The following TRANK1 variants were observed in gnomAD, a reference collection of about 807,000 sequenced individuals.
TRANK1 encodes TPR and ankyrin repeat-containing protein 1.
Under a neutral mutation model 266.0 loss-of-function variants are expected in TRANK1, and 198 were observed. The observed-to-expected ratio is 0.74, with a 90% CI of 0.66 to 0.84. The LOEUF (loss-of-function observed/expected upper bound fraction) is 0.84. Ranked by LOEUF, TRANK1 falls within the 40% of genes least tolerant of loss-of-function variation. The probability of loss-of-function intolerance (pLI) is 0.00; values close to 1 mark genes in which losing one functional copy is unlikely to be tolerated. For synonymous variants in TRANK1, 1,396 were observed against 1,384.1 expected, an observed-to-expected ratio of 1.01 and a Z score of -0.19; for missense variants, 3,326 against 3,634.6, an observed-to-expected ratio of 0.92 and a Z score of 2.18.
intron 20 of TRANK1, among the ~76,000 whole-genome samples, chr3:36,836,218 T>C (rs1273696728): frequency 6.6e-6 from 1 of 152,238 alleles, no homozygotes; most frequent in African/African-American, 2.4e-5. Flanking sequence ...GTGCATACCC[T>C]AGGCCAGCAA....
intron 1 of TRANK1, among the ~76,000 whole-genome samples, chr3:36,910,510 C>T (rs912515518): frequency 1.3e-5 from 2 of 151,882 alleles, no homozygotes; most frequent in African/African-American, 4.8e-5. Flanking sequence ...GAGGCTGAGG[C>T]GGGCAGACCA....
In TRANK1 at chr3:36,927,150, C is replaced by A. The variant is rs145416896; in HGVS notation, c.23+17637G>T. Among the ~76,000 whole-genome samples, 480 of 152,310 alleles carry A rather than the reference C, an allele frequency of 3.2e-3. 4 individuals carry two copies. The highest frequency in any genetic ancestry group is 0.011 in the African/African-American group (447 of 41,574). ...CCCACAGCGACTCTGCCTAATTTAACTCCCAACCCAGGGACTGAGGCCCAT... is the reference window on the plus strand; with the variant it reads ...CCCACAGCGACTCTGCCTAATTTAAATCCCAACCCAGGGACTGAGGCCCAT... On this transcript the variant is annotated intron_variant, in intron 1 of 23. Coordinates refer to ENST00000645898, the MANE Select transcript of TRANK1 (RefSeq NM_001329998.2).
intron 1 of TRANK1, among the ~76,000 whole-genome samples, chr3:36,934,096 G>A (rs147695661): frequency 2.0e-5 from 3 of 152,358 alleles, no homozygotes; most frequent in Non-Finnish European, 4.4e-5. Flanking sequence ...TTCCAGGGGA[G>A]AGCCAAGGTA....
intron 8 of TRANK1, 98 bp downstream of exon 8, chr3:36,889,731 G>A: frequency 7.1e-7 from 1 of 1,408,842 alleles, no homozygotes; most frequent in Non-Finnish European, 9.3e-7. Flanking sequence ...GAGCCAGCTA[G>A]GGATAGAATG....
Position 36,832,311 on chromosome 3 carries a change from T to C in TRANK1, c.7272A>G (p.Glu2424=). The stretch of plus-strand genomic sequence containing the variant: ...AACGGAAAAAGAGCCTCTTGTAGTC[T>C]TCTGGGTTCCTGTACACGTAGAATT... ...IDQFYVYRNP[E]DYKRLFFRFM... is the part of the protein sequence containing the mutation. The change falls in exon 22 of 24, where the codon GAA becomes GAG. Residue 2424 remains glutamate (E), a synonymous_variant. Transcript: ENST00000645898. 3 of 1,614,036 alleles carry C rather than the reference T, an allele frequency of 1.9e-6. No homozygotes were observed. The highest frequency in any genetic ancestry group is 2.5e-6 in the Non-Finnish European group (3 of 1,179,904).
In TRANK1 at chr3:36,831,360, G is replaced by A. The variant is rs1015300520; in HGVS notation, c.8223C>T (p.Gly2741=). ...CCTCCCTGACACGCTCCATCTGGGT[G>A]CCCACTCTTCTCCTCCAACTGATGC... ...SLCISWRRRV[G]TQMERVREEA... The change falls in exon 22 of 24, where the codon GGC becomes GGT. Residue 2741 remains glycine (G), a synonymous_variant. Transcript: ENST00000645898. The surrounding 1 kb of genome is among the most constrained non-coding windows in gnomAD (Gnocchi z 5.0). 3 of 1,613,228 alleles carry A rather than the reference G, an allele frequency of 1.9e-6. No individual in the cohort carries two copies. In the African/African-American group the frequency reaches 4.0e-5, roughly 22 times the overall value.
intron 1 of TRANK1, among the ~76,000 whole-genome samples, chr3:36,918,564 T>TAGGAAGGAAGGA (rs1335352179): frequency 4.5e-4 from 7 of 15,640 alleles, no homozygotes; most frequent in East Asian, 1.1e-3. Flanking sequence ...GGAAGGAAGG[T>TAGGAAGGAAGGA]AGGAAGGAAG....
chr3:36,831,921 C>T lies in TRANK1; in HGVS notation c.7662G>A (p.Val2554=). The T allele has an allele frequency of 8.7e-6, 14 of 1,614,020 alleles. No individual in the cohort carries two copies. Among genetic ancestry groups the T allele is most frequent in the Non-Finnish European group, 1.2e-5 (14 of 1,179,886 alleles). Residue 2554 remains valine (V), a synonymous_variant, in exon 22 of 24, where the codon GTG becomes GTA. Coordinates refer to ENST00000645898, the MANE Select transcript of TRANK1 (RefSeq NM_001329998.2). This position sits in a 1 kb window ranked among gnomAD's most constrained non-coding sequence, Gnocchi z 5.0. ...GTGTCCGCTCAGCCTCACCCGAGAC[C>T]ACATAGTCTATTTCACTGAAGGCAT... The part of the protein sequence containing the change: ...LLDAFSEIDY[V]VSGEAERTLV...
Position 36,832,564 on chromosome 3 carries a change from G to C in TRANK1, c.7019C>G (p.Ser2340Cys). The C allele has an allele frequency of 6.2e-7, 1 of 1,614,030 alleles. No individual in the cohort carries two copies. The highest frequency in any genetic ancestry group is 8.5e-7 in the Non-Finnish European group (1 of 1,179,906). ...WLSAMQAFLL[S>C]SNYPEEFEKL... ...TTCAAACTCCTCCGGGTAGTTGGAA[G>C]AGAGAAGGAAAGCTTGCATGGCACT... is the stretch of plus-strand genomic sequence containing the variant. The change falls in exon 22 of 24, where the codon TCT becomes TGT. Residue 2340 changes from serine (S) to cysteine (C), a missense_variant. Physicochemically the swap from Ser to Cys is moderately radical, Grantham distance 112. Transcript: ENST00000645898.
At chr3:36,942,874 T>TAAA (rs5847945) in intron 1 of TRANK1, among the ~76,000 whole-genome samples, 3 of 140,402 alleles carry the variant, frequency 2.1e-5, no homozygotes, top group South Asian at 2.2e-4. Context: ...TGACCCGCTT[T>TAAA]AAAAAAAAAA....
chr3:36,931,665 G>A (rs771508441), intron 1 of TRANK1, among the ~76,000 whole-genome samples: 3 of 152,184 alleles, frequency 2.0e-5, no homozygotes, highest in Non-Finnish European at 4.4e-5. Context: ...TCATGCCACT[G>A]CACTACAGGC....
chr3:36,855,017 C>G (rs1559428718), intron 13 of TRANK1, among the ~76,000 whole-genome samples, 156 bp downstream of exon 13: 1 of 152,250 alleles, frequency 6.6e-6, no homozygotes, highest in Non-Finnish European at 1.5e-5. Context: ...CAAAATCATA[C>G]TATCTCTTGT....
At chr3:36,907,689 C>T (rs894250841) in intron 2 of TRANK1, among the ~76,000 whole-genome samples, 13 of 152,034 alleles carry the variant, frequency 8.6e-5, no homozygotes, top group African/African-American at 2.9e-4. Context: ...TGGTCTCGAT[C>T]TCCTGACCTC....
chr3:36,831,600 A>AC lies in TRANK1; in HGVS notation c.7982dup (p.Gly2662TrpfsTer5), dbSNP rs2078695167. 6.2e-7 allele frequency: 1 copy of AC among 1,613,902 alleles called. No individual in the cohort carries two copies. The highest frequency in any genetic ancestry group is 1.7e-5 in the Admixed American group (1 of 60,012). On this transcript the variant is annotated frameshift_variant, in exon 22 of 24. Transcript: ENST00000645898. LOFTEE classifies it high-confidence loss of function. This position sits in a 1 kb window ranked among gnomAD's most constrained non-coding sequence, Gnocchi z 5.0. ...GTCTGACCTCCTCATAATAGAGGCC[A>AC]CGGACTATGGACCCTTTGGTGTGCA...
intron 1 of TRANK1, among the ~76,000 whole-genome samples, chr3:36,917,106 G>A (rs918104221): frequency 3.9e-5 from 6 of 151,982 alleles, no homozygotes; most frequent in African/African-American, 4.8e-5. Flanking sequence ...GTGAGCCACC[G>A]TGCCCGGCCA....
At chr3:36,899,561 A>G (rs564639679) in intron 3 of TRANK1, among the ~76,000 whole-genome samples, 18 of 152,284 alleles carry the variant, frequency 1.2e-4, no homozygotes, top group African/African-American at 4.1e-4. Context: ...CAGGAGGCTG[A>G]GGTGAGAGGA....
In TRANK1 at chr3:36,842,649, A is replaced by T. The variant is rs1449744570; in HGVS notation, c.5253T>A (p.Asp1751Glu). ...STPAEWIAQG[D>E]YYAKHQCWKV... Reference sequence around the variant, plus strand: ...TCCAGCACTGGTGCTTGGCGTAGTAATCTCCCTGTGCAATCCACTCCGCAG... The same window carrying T: ...TCCAGCACTGGTGCTTGGCGTAGTATTCTCCCTGTGCAATCCACTCCGCAG... The change falls in exon 18 of 24, where the codon GAT becomes GAA. Residue 1751 changes from aspartate (D) to glutamate (E), a missense_variant. By Grantham distance (45) the Asp-to-Glu change is conservative. Transcript: ENST00000645898. The T allele has an allele frequency of 1.2e-6, 2 of 1,613,792 alleles. No individual in the cohort carries two copies. Among genetic ancestry groups the T allele is most frequent in the African/African-American group, 2.7e-5 (2 of 74,900 alleles).
At chr3:36,836,830 A>G (rs2078776737) in intron 20 of TRANK1, among the ~76,000 whole-genome samples, 3 of 152,170 alleles carry the variant, frequency 2.0e-5, no homozygotes, top group Admixed American at 2.0e-4. Context: ...ATTTCAGCCT[A>G]AGCTGATGCT....
Position 36,856,311 on chromosome 3 carries a change from C to T in TRANK1, c.3411G>A (p.Glu1137=), listed in dbSNP as rs1308608383. 3 of 1,577,636 alleles carry T rather than the reference C, an allele frequency of 1.9e-6. No individual in the cohort carries two copies. In the African/African-American group the frequency reaches 4.1e-5, roughly 21 times the overall value. Residue 1137 remains glutamate, a synonymous_variant, in exon 13 of 24, where the codon GAG becomes GAA. Transcript: ENST00000645898. ...SPGGEEEEEE[E]DEEEEDSIEV... ...CAATAGAATCTTCCTCTTCCTCGTCCTCTTCCTCCTCCTCTTCCTCCCCAC... is the reference window on the plus strand; with the variant it reads ...CAATAGAATCTTCCTCTTCCTCGTCTTCTTCCTCCTCCTCTTCCTCCCCAC...
Sources: allele counts gnomAD v4.1 joint callset (sites outside exome capture counted in the v4.1 genomes callset), GRCh38; gene constraint gnomAD v4.1.1; non-coding constraint Gnocchi (gnomAD v3.1); transcripts MANE v1.5; gene names NCBI Gene and HGNC (gene_info 2026-07-23, HGNC 2026-07-21).